SLC39A9: variants seen among roughly 807,000 people sequenced by gnomAD.
SLC39A9 encodes the protein solute carrier family 39 member 9.
SLC39A9 carries 14 observed loss-of-function variants against 28.4 expected under a neutral mutation model. The observed-to-expected ratio is 0.49, with a 90% CI of 0.33 to 0.77. SLC39A9 has a LOEUF of 0.77. SLC39A9 is among the 30% of genes least tolerant of loss of function. The probability of loss-of-function intolerance (pLI) is 0.02; values close to 1 mark genes in which losing one functional copy is unlikely to be tolerated. For synonymous variants in SLC39A9, 119 were observed against 149.6 expected (o/e 0.80, Z 1.49); for missense variants, 283 against 381.1 (o/e 0.74, Z 2.14).
rs751050471 is a variant in SLC39A9 at position 69,455,762 on chromosome 14, T to C, written c.589T>C (p.Leu197=). 26 of 1,614,144 alleles carry C rather than the reference T, an allele frequency of 1.6e-5. No homozygotes were observed. Among genetic ancestry groups the C allele is most frequent in the Non-Finnish European group, 2.0e-5 (24 of 1,180,048 alleles). The change falls in exon 6 of 7, where the codon TTG becomes CTG. Residue 197 remains leucine (L), a synonymous_variant. Coordinates refer to ENST00000336643, the MANE Select transcript of SLC39A9 (RefSeq NM_018375.5). ...AGCTGCTTTTGGACTGGTTTCCTTC[T>C]TGATGCATGCTGGCTTAGAGCGGAA... ...APAAFGLVSF[L]MHAGLERNRI...
intron 2 of SLC39A9, among the ~76,000 whole-genome samples, chr14:69,438,561 A>G (rs150002312): frequency 1.6e-4 from 24 of 152,306 alleles, no homozygotes; most frequent in African/African-American, 5.3e-4. Flanking sequence ...CTCTAAAATC[A>G]CTGGAATTAG....
In SLC39A9 at chr14:69,461,833, G is replaced by A; in HGVS notation, c.*3240G>A. ...ATGTTCCTGCCTTGTGGGCCCCTGA[G>A]CCCCTTGGGAGACTGAGAATCATGA... On this transcript the variant is annotated 3_prime_UTR_variant, in exon 7 of 7. Transcript: ENST00000336643. 2 of 1,299,010 alleles carry A rather than the reference G, an allele frequency of 1.5e-6. No individual in the cohort carries two copies. Among genetic ancestry groups the A allele is most frequent in the Non-Finnish European group, 2.1e-6 (2 of 954,100 alleles). 80.5% of individuals were successfully genotyped at this position (1,299,010 alleles called of 1,614,324 possible).
At chr14:69,417,720 A>G (rs142098817) in intron 1 of SLC39A9, among the ~76,000 whole-genome samples, 1 of 152,194 alleles carries the variant, frequency 6.6e-6, no homozygotes, top group African/African-American at 2.4e-5. Flanking sequence ...TAGGTATTTT[A>G]TTCTCTTTGT....
At chr14:69,401,586 T>G (rs1459551773) in intron 1 of SLC39A9, among the ~76,000 whole-genome samples, 1 of 152,202 alleles carries the variant, frequency 6.6e-6, no homozygotes, top group Non-Finnish European at 1.5e-5. Flanking sequence ...CTTGAATGAT[T>G]ATTGCAATAT....
chr14:69,431,520 T>C (rs1317990573), intron 2 of SLC39A9, among the ~76,000 whole-genome samples: 2 of 151,884 alleles, frequency 1.3e-5, no homozygotes, highest in African/African-American at 4.8e-5. Flanking sequence ...CCATTAAATA[T>C]GAGGTTAGAT....
At chr14:69,422,211 A>G (rs914448252) in intron 1 of SLC39A9, among the ~76,000 whole-genome samples, 10 of 152,184 alleles carry the variant, frequency 6.6e-5, no homozygotes, top group African/African-American at 1.9e-4. Context: ...CCATTAAATT[A>G]TTGAAACTTT....
At chr14:69,403,525 C>G (rs1041980574) in intron 1 of SLC39A9, among the ~76,000 whole-genome samples, 8 of 151,972 alleles carry the variant, frequency 5.3e-5, no homozygotes, top group Non-Finnish European at 8.8e-5. Flanking sequence ...TTATTTCAAT[C>G]CATACCAATA....
chr14:69,460,450 T>C lies in SLC39A9; in HGVS notation c.*1857T>C. 1 of 985,480 alleles carries C rather than the reference T, an allele frequency of 1.0e-6. No homozygotes were observed. Among genetic ancestry groups the C allele is most frequent in the Non-Finnish European group, 1.2e-6 (1 of 829,944 alleles). The allele number at this position is 985,480 out of a possible 1,614,324, so 61.0% of individuals were successfully genotyped here. A position where few individuals can be genotyped will look rare whatever the true frequency, so the allele number is the denominator to read the frequency against. ...CCTTGATTGGATGTTAACAGCTGAC[T>C]GGTGTGAGACTTGAGGTTTCATCTA... On this transcript the variant is annotated 3_prime_UTR_variant, in exon 7 of 7. Coordinates refer to ENST00000336643, the MANE Select transcript of SLC39A9 (RefSeq NM_018375.5).
At chr14:69,408,428 A>C (rs987202662) in intron 1 of SLC39A9, among the ~76,000 whole-genome samples, 2 of 152,224 alleles carry the variant, frequency 1.3e-5, no homozygotes, top group South Asian at 4.1e-4. Context: ...AAATCAAATA[A>C]GGCTGAACAG....
intron 1 of SLC39A9, among the ~76,000 whole-genome samples, chr14:69,411,648 G>A (rs1243327427): frequency 2.0e-5 from 3 of 152,096 alleles, no homozygotes; most frequent in African/African-American, 7.2e-5. Context: ...TCAGCATTTT[G>A]TTAACTTTAA....
chr14:69,430,628 C>CTTTTTT lies in SLC39A9; in HGVS notation c.205+6436_205+6441dup, dbSNP rs71446389. ...TCCTTCTTTGTTCTTATTTTTCTTT[C>CTTTTTT]TTTTTTTTTTTTTTTCTTGAGACAA... On this transcript the variant is annotated intron_variant, in intron 2 of 6. Transcript: ENST00000336643. 3.3e-4 allele frequency among the ~76,000 whole-genome samples: 45 copies of CTTTTTT among 137,704 alleles called. 1 individual carries two copies. The highest frequency in any genetic ancestry group is 4.5e-4 in the South Asian group (2 of 4,444). The allele number at this position is 137,704 out of a possible 152,430, so 90.3% of individuals were successfully genotyped here.
Position 69,442,165 on chromosome 14 carries a change from A to G in SLC39A9, c.302A>G (p.His101Arg), listed in dbSNP as rs1381428865. Residue 101 changes from histidine to arginine, a missense_variant, in exon 3 of 7, where the codon CAC becomes CGC. His to Arg is a conservative substitution (Grantham distance 29, BLOSUM62 0). Coordinates refer to ENST00000336643, the MANE Select transcript of SLC39A9 (RefSeq NM_018375.5). The part of the protein sequence containing the change: ...VVHEHEHSHD[H>R]TQLHAYIGVS... ...CATGAACATGAGCACAGCCACGACC[A>G]CACACAGCTGCATGCCTATATTGGT... 4.3e-6 allele frequency: 7 copies of G among 1,614,238 alleles called. No homozygotes were observed. Among genetic ancestry groups the G allele is most frequent in the Non-Finnish European group, 5.9e-6 (7 of 1,180,042 alleles).
chr14:69,440,583 CAAAAA>C (rs1033396866), intron 2 of SLC39A9, among the ~76,000 whole-genome samples: 2 of 151,916 alleles, frequency 1.3e-5, no homozygotes, highest in African/African-American at 4.8e-5. Context: ...ATACCTGTCT[CAAAAA>C]GAAAGAAAGA....
chr14:69,399,349 G>A lies in SLC39A9; in HGVS notation c.-21G>A, dbSNP rs190358764. 6.2e-7 allele frequency: 1 copy of A among 1,607,984 alleles called. No individual in the cohort carries two copies. The highest frequency in any genetic ancestry group is 2.2e-5 in the East Asian group (1 of 44,834). ...TGGAAATTTGTTGTCTAGTGGTTGT[G>A]GGTGAATAAAGGAGGGCAGAATGGA... is the stretch of plus-strand genomic sequence containing the variant. On this transcript the variant is annotated 5_prime_UTR_variant, in exon 1 of 7. Transcript: ENST00000336643.
chr14:69,431,709 TTCCTTTCC>T (rs1303979807), intron 2 of SLC39A9, among the ~76,000 whole-genome samples: 1 of 152,196 alleles, frequency 6.6e-6, no homozygotes, highest in East Asian at 1.9e-4. Context: ...TTTTACTGTC[TTCCTTTCC>T]TCCCCTTCTA....
At chr14:69,421,599 GC>G (rs959522184) in intron 1 of SLC39A9, among the ~76,000 whole-genome samples, 4 of 152,188 alleles carry the variant, frequency 2.6e-5, no homozygotes, top group African/African-American at 9.7e-5. Flanking sequence ...GCTATGCCCT[GC>G]CCCCAGAGGT....
At chr14:69,414,548 G>A (rs1883464301) in intron 1 of SLC39A9, among the ~76,000 whole-genome samples, 1 of 152,226 alleles carries the variant, frequency 6.6e-6, no homozygotes, top group Non-Finnish European at 1.5e-5. Context: ...CTGCCGTGAG[G>A]AAAGAAGCCT....
intron 1 of SLC39A9, among the ~76,000 whole-genome samples, chr14:69,411,668 A>T (rs138868602): frequency 1.5e-4 from 23 of 152,326 alleles, no homozygotes; most frequent in African/African-American, 5.1e-4. Context: ...ATATAAACAC[A>T]ACTTGAGATT....
intron 3 of SLC39A9, among the ~76,000 whole-genome samples, chr14:69,451,033 G>A (rs545090087): frequency 1.3e-5 from 2 of 152,082 alleles, no homozygotes; most frequent in African/African-American, 4.8e-5. Context: ...TAATTTTAAA[G>A]CCTCTAATTG....
Sources: gnomAD v4.1 joint callset for allele counts (sites outside exome capture counted in the v4.1 genomes callset) on GRCh38, gnomAD v4.1.1 for gene constraint, MANE v1.5 for transcripts, NCBI Gene and HGNC (gene_info 2026-07-23, HGNC 2026-07-21) for gene names.